UGGT2: variants seen among roughly 807,000 people sequenced by gnomAD.
UGGT2 encodes the protein UDP-glucose glycoprotein glucosyltransferase 2.
In UGGT2, 180 loss-of-function variants were observed where a neutral mutation model predicts 192.1. The ratio of observed to expected loss-of-function variants is 0.94; its 90% CI spans 0.83 to 1.06. UGGT2 has a LOEUF of 1.06. Among genes scored for constraint, UGGT2 ranks in the 50% least tolerant of loss-of-function variants. The probability of loss-of-function intolerance (pLI) is 0.00; values close to 1 mark genes in which losing one functional copy is unlikely to be tolerated. For missense variants in UGGT2, 1,849 were observed against 1,795.7 expected, an observed-to-expected ratio of 1.03 and a Z score of -0.54; for synonymous variants, 580 against 591.0, an observed-to-expected ratio of 0.98 and a Z score of 0.27.
chr13:95,851,514 G>C (rs1055569449), intron 36 of UGGT2, among the ~76,000 whole-genome samples: 35 of 152,116 alleles, frequency 2.3e-4, no homozygotes, highest in African/African-American at 8.4e-4. Context: ...AATTGTGGTG[G>C]GAAAGCCAGG....
intron 38 of UGGT2, among the ~76,000 whole-genome samples, chr13:95,810,366 G>GTA (rs1416554041): frequency 6.6e-6 from 1 of 152,170 alleles, no homozygotes; most frequent in African/African-American, 2.4e-5. Context: ...CAGTAGCATA[G>GTA]TATATACTAC....
intron 29 of UGGT2, among the ~76,000 whole-genome samples, chr13:95,868,200 A>AT (rs1379316358): frequency 1.2e-4 from 18 of 152,312 alleles, no homozygotes; most frequent in African/African-American, 4.1e-4. Context: ...GTCTAGCACT[A>AT]TCATGACTGA....
chr13:95,834,128 T>C (rs1335093587), intron 37 of UGGT2, among the ~76,000 whole-genome samples: 1 of 152,166 alleles, frequency 6.6e-6, no homozygotes, highest in East Asian at 1.9e-4. Context: ...ATAGTGAAGA[T>C]AATGGGACTA....
intron 34 of UGGT2, 28 bp downstream of exon 34, chr13:95,856,130 T>C (rs1889586499): frequency 1.3e-6 from 2 of 1,556,080 alleles, no homozygotes; most frequent in Non-Finnish European, 1.7e-6. Flanking sequence ...GTTTGCGTAT[T>C]ACTAAAAATA....
chr13:95,890,836 A>G (rs1191833199), intron 25 of UGGT2, 26 bp downstream of exon 25: 2 of 1,555,892 alleles, frequency 1.3e-6, no homozygotes, highest in East Asian at 4.5e-5. Flanking sequence ...AAACAAAAAC[A>G]TTTAGTCTAA....
chr13:96,019,112 C>T (rs1410074631), intron 4 of UGGT2, among the ~76,000 whole-genome samples: 5 of 44,306 alleles, frequency 1.1e-4, no homozygotes, highest in Non-Finnish European at 2.0e-4. Context: ...ATTAACTTTG[C>T]CCTACATAGC....
chr13:95,969,928 A>T (rs2050716368), intron 12 of UGGT2, among the ~76,000 whole-genome samples, 184 bp downstream of exon 12: 1 of 152,186 alleles, frequency 6.6e-6, no homozygotes, highest in African/African-American at 2.4e-5. Context: ...CAAAACAGAG[A>T]CTATGAAGAA....
rs1566727238 is a variant in UGGT2 at position 95,937,096 on chromosome 13, GT to G, written c.1813-9del. On this transcript the variant is annotated splice_polypyrimidine_tract_variant and intron_variant, in intron 16 of 38. Transcript: ENST00000376747. ...ATAAAAGCTTGCTCCAGCCTATTCA[GT>G]TAAAAAATATCAGAGTGTTAAACAA... 1 of 1,576,908 alleles carries G rather than the reference GT, an allele frequency of 6.3e-7. No homozygotes were observed. Among genetic ancestry groups the G allele is most frequent in the East Asian group, 2.3e-5 (1 of 44,118 alleles).
chr13:95,977,112 G>A (rs903808895), intron 10 of UGGT2, among the ~76,000 whole-genome samples: 1 of 152,144 alleles, frequency 6.6e-6, no homozygotes, highest in Admixed American at 6.5e-5. Context: ...AGAAAACTTA[G>A]GCAATATCAT....
chr13:95,943,063 C>T (rs556149768), intron 15 of UGGT2, among the ~76,000 whole-genome samples: 1 of 152,144 alleles, frequency 6.6e-6, no homozygotes, highest in South Asian at 2.1e-4. Flanking sequence ...TTTGGGACCC[C>T]CACGTTCTTT....
intron 36 of UGGT2, among the ~76,000 whole-genome samples, chr13:95,838,928 T>C (rs952449309): frequency 2.0e-5 from 3 of 152,116 alleles, no homozygotes; most frequent in African/African-American, 7.2e-5. Flanking sequence ...CTTTGACCCC[T>C]TGGAACCTCC....
chr13:95,929,158 C>T (rs538839896), intron 17 of UGGT2, among the ~76,000 whole-genome samples: 16 of 152,208 alleles, frequency 1.1e-4, no homozygotes, highest in Admixed American at 1.3e-4. Flanking sequence ...AGTCCAGCCT[C>T]GGCTTGGCAT....
chr13:95,858,865 T>G (rs1441395194), intron 33 of UGGT2, among the ~76,000 whole-genome samples: 2 of 152,212 alleles, frequency 1.3e-5, no homozygotes, highest in African/African-American at 2.4e-5. Flanking sequence ...ACACTTGGCA[T>G]CATGCCTAGA....
At chr13:95,840,358 C>A (rs1432518671) in intron 36 of UGGT2, among the ~76,000 whole-genome samples, 3 of 151,958 alleles carry the variant, frequency 2.0e-5, no homozygotes, top group East Asian at 3.9e-4. Flanking sequence ...AGAAAAAAAA[C>A]AACCCCATCA....
At chr13:95,836,450 C>T (rs544261658) in intron 37 of UGGT2, among the ~76,000 whole-genome samples, 25 of 152,266 alleles carry the variant, frequency 1.6e-4, no homozygotes, top group African/African-American at 6.0e-4. Context: ...TTTGGCTCCT[C>T]GCTGGCATCT....
chr13:95,822,705 G>A (rs1225374458), intron 38 of UGGT2, among the ~76,000 whole-genome samples: 2 of 151,844 alleles, frequency 1.3e-5, no homozygotes, highest in Non-Finnish European at 2.9e-5. Context: ...CTCTCTTTTT[G>A]GTTAGTCTCA....
intron 20 of UGGT2, among the ~76,000 whole-genome samples, chr13:95,913,489 T>C (rs1435479899): frequency 1.3e-5 from 2 of 152,088 alleles, no homozygotes; most frequent in African/African-American, 4.8e-5. Context: ...CATGGAAAAA[T>C]GCTCATCACT....
At chr13:95,911,039 C>T (rs181566284) in intron 20 of UGGT2, among the ~76,000 whole-genome samples, 108 of 152,154 alleles carry the variant, frequency 7.1e-4, no homozygotes, top group African/African-American at 1.6e-3. Context: ...TTGAAACCAA[C>T]GAAAACAAAG....
intron 15 of UGGT2, 90 bp from the exon 16 acceptor site, chr13:95,940,181 G>C (rs926283600): frequency 1.9e-6 from 2 of 1,052,096 alleles, no homozygotes; most frequent in Admixed American, 3.3e-5. Flanking sequence ...TTTTTATTTT[G>C]TAAGTTCAAA....
Sources: allele counts gnomAD v4.1 joint callset (sites outside exome capture counted in the v4.1 genomes callset), GRCh38; gene constraint gnomAD v4.1.1; transcripts MANE v1.5; gene names NCBI Gene and HGNC (gene_info 2026-07-23, HGNC 2026-07-21).